The following NTM variants were observed in gnomAD, a reference collection of about 807,000 sequenced individuals.
NTM encodes the protein neurotrimin, also known as IgLON family member 2.
A neutral mutation model predicts 42.1 loss-of-function variants in NTM; 13 were observed. The observed-to-expected ratio is 0.31, with a 90% confidence interval of 0.20 to 0.49. NTM has a LOEUF of 0.49. Ranked by LOEUF, NTM falls within the 20% of genes least tolerant of loss-of-function variation. NTM has a pLI of 0.99. For missense variants in NTM, 373 were observed against 452.8 expected, an observed-to-expected ratio of 0.82 and a Z score of 1.60; for synonymous variants, 187 against 179.2, an observed-to-expected ratio of 1.04 and a Z score of -0.35.
intron 3 of NTM, among the ~76,000 whole-genome samples, chr11:132,158,629 A>G (rs2073692822): frequency 6.6e-6 from 1 of 152,200 alleles, no homozygotes; most frequent in Admixed American, 6.5e-5. Flanking sequence ...AGCATTTGTC[A>G]AATAAATGAA....
intron 2 of NTM, among the ~76,000 whole-genome samples, chr11:131,976,521 C>G (rs2064409153): frequency 1.3e-5 from 2 of 152,050 alleles, no homozygotes; most frequent in East Asian, 1.9e-4. Flanking sequence ...TCTTTTTTAA[C>G]TATAGGAGAT....
intron 4 of NTM, 47 bp from the exon 5 acceptor site, chr11:132,307,642 T>TC (rs1490790450): frequency 6.2e-7 from 1 of 1,608,490 alleles, no homozygotes; most frequent in East Asian, 2.2e-5. Flanking sequence ...ACATGTTTGG[T>TC]CTTTTTTTTC....
chr11:132,105,083 C>T (rs890054370), intron 2 of NTM, among the ~76,000 whole-genome samples: 9 of 149,200 alleles, frequency 6.0e-5, no homozygotes, highest in East Asian at 2.0e-4. Context: ...CTTCTTTCAC[C>T]GTGAGGAGAC....
chr11:132,024,597 G>A (rs2074903900), intron 2 of NTM, among the ~76,000 whole-genome samples: 3 of 152,122 alleles, frequency 2.0e-5, no homozygotes, highest in African/African-American at 7.2e-5. Context: ...CCGTGGATAA[G>A]GAGGGCCAGT....
intron 1 of NTM, among the ~76,000 whole-genome samples, chr11:131,440,158 T>C (rs1198708782): frequency 1.3e-5 from 2 of 152,110 alleles, no homozygotes; most frequent in African/African-American, 4.8e-5. Flanking sequence ...TCCAACTTTA[T>C]CCTCCTATAT....
At position 131,411,234 on chromosome 11, in the gene NTM, C is replaced by T. The variant is rs558338521; in HGVS notation, c.82+40346C>T. Among the ~76,000 whole-genome samples the T allele has an allele frequency of 2.1e-4, 32 of 152,256 alleles. 1 individual carries two copies. The highest frequency in any genetic ancestry group is 6.7e-4 in the African/African-American group (28 of 41,552). ...GGAAGTCCATGTGCATCACTTATAA[C>T]GTGCTTATGAAATTGTAATGCAATG... On this transcript the variant is annotated intron_variant, in intron 1 of 8. Transcript: ENST00000683400.
At chr11:132,070,367 C>G (rs1417308182) in intron 2 of NTM, among the ~76,000 whole-genome samples, 1 of 144,724 alleles carries the variant, frequency 6.9e-6, no homozygotes, top group Non-Finnish European at 1.5e-5. Flanking sequence ...AACTGACCAT[C>G]ACAGGTTAGT....
At chr11:131,658,163 T>A (rs1271977897) in intron 1 of NTM, among the ~76,000 whole-genome samples, 1 of 152,184 alleles carries the variant, frequency 6.6e-6, no homozygotes, top group East Asian at 1.9e-4. Context: ...GGATCTTAGT[T>A]CCATTTCTTC....
intron 1 of NTM, among the ~76,000 whole-genome samples, chr11:131,408,655 C>T (rs1344966058): frequency 2.6e-5 from 4 of 152,140 alleles, no homozygotes; most frequent in South Asian, 2.1e-4. Flanking sequence ...ACTGGGGCTC[C>T]GAGATGGTAG....
chr11:132,157,881 T>C (rs2073530655), intron 3 of NTM, among the ~76,000 whole-genome samples: 1 of 152,256 alleles, frequency 6.6e-6, no homozygotes, highest in South Asian at 2.1e-4. Context: ...CCTTTTCCCG[T>C]CCTCTTCCTC....
chr11:131,380,828 C>A (rs995068890), intron 1 of NTM, among the ~76,000 whole-genome samples: 1 of 152,178 alleles, frequency 6.6e-6, no homozygotes, highest in Non-Finnish European at 1.5e-5. Context: ...TCTTCCTTAT[C>A]GTTTGCCTGA....
chr11:131,548,814 C>T (rs2054279666), intron 1 of NTM, among the ~76,000 whole-genome samples: 1 of 152,154 alleles, frequency 6.6e-6, no homozygotes, highest in Non-Finnish European at 1.5e-5. Flanking sequence ...CAAACTTCCA[C>T]TATGAACCAA....
chr11:131,709,512 TA>T (rs1384636742), intron 1 of NTM, among the ~76,000 whole-genome samples: 3 of 152,110 alleles, frequency 2.0e-5, no homozygotes, highest in Non-Finnish European at 4.4e-5. Context: ...GATGTAAAAA[TA>T]AGGTAGGAGT....
chr11:131,749,466 C>A (rs11821922), intron 1 of NTM, among the ~76,000 whole-genome samples: 30,417 of 152,122 alleles, frequency 0.2, 4,508 homozygotes, highest in African/African-American at 0.42. Flanking sequence ...ATGCTACAGG[C>A]AAATCATTAT....
At chr11:132,173,385 G>A (rs2076361443) in intron 3 of NTM, among the ~76,000 whole-genome samples, 1 of 152,156 alleles carries the variant, frequency 6.6e-6, no homozygotes, top group Non-Finnish European at 1.5e-5. Flanking sequence ...ATTCTGTTCT[G>A]ACTGGCTCTG....
chr11:132,156,637 A>G (rs1452831440), intron 3 of NTM, among the ~76,000 whole-genome samples: 1 of 152,236 alleles, frequency 6.6e-6, no homozygotes, highest in Non-Finnish European at 1.5e-5. Flanking sequence ...TGGATAATCT[A>G]TCTGTAAAGT....
intron 1 of NTM, among the ~76,000 whole-genome samples, chr11:131,809,012 G>A (rs183138995): frequency 6.6e-6 from 1 of 152,268 alleles, no homozygotes; most frequent in African/African-American, 2.4e-5. Flanking sequence ...GACTTTTTAT[G>A]AACTGGAAAA....
In NTM at chr11:132,117,181, A is replaced by C. The variant is rs539409161; in HGVS notation, c.168-29101A>C. 1.4e-4 allele frequency among the ~76,000 whole-genome samples: 21 copies of C among 152,366 alleles called. 1 individual carries two copies. In the South Asian group the frequency reaches 4.1e-3, roughly 30 times the overall value. ...TTTTGTATTGCAACTGCTTTCTACC[A>C]GTCTAGTTAACCCTCTAGCAATGCA... On this transcript the variant is annotated intron_variant, in intron 2 of 8. Transcript: ENST00000683400.
chr11:132,006,457 G>C (rs1197526287), intron 2 of NTM, among the ~76,000 whole-genome samples: 3 of 152,194 alleles, frequency 2.0e-5, no homozygotes, highest in Admixed American at 2.0e-4. Context: ...ATATGAGAAG[G>C]CAGCCTCTTT....
Sources: gnomAD v4.1 joint callset for allele counts (sites outside exome capture counted in the v4.1 genomes callset) on GRCh38, gnomAD v4.1.1 for gene constraint, MANE v1.5 for transcripts, NCBI Gene and HGNC (gene_info 2026-07-23, HGNC 2026-07-21) for gene names.